The following RASGRP3 variants were observed in gnomAD, a reference collection of about 807,000 sequenced individuals.
The protein encoded by RASGRP3 is RAS guanyl releasing protein 3.
In RASGRP3, 54 loss-of-function variants were observed where a neutral mutation model predicts 82.7. The observed-to-expected ratio is 0.65, with a 90% CI of 0.52 to 0.82. The LOEUF (loss-of-function observed/expected upper bound fraction) is 0.82. RASGRP3 is among the 40% of genes least tolerant of loss of function. The pLI is 0.00. For missense variants in RASGRP3, 861 were observed against 828.9 expected, an observed-to-expected ratio of 1.04 and a Z score of -0.48; for synonymous variants, 309 against 300.5, an observed-to-expected ratio of 1.03 and a Z score of -0.29.
chr2:33,454,126 T>C (rs150250367), intron 2 of RASGRP3, among the ~76,000 whole-genome samples: 50 of 151,230 alleles, frequency 3.3e-4, no homozygotes, highest in African/African-American at 1.1e-3. Flanking sequence ...TTAACACTGA[T>C]GTCAAGTTCA....
At chr2:33,469,962 G>A (rs925627851) in intron 2 of RASGRP3, among the ~76,000 whole-genome samples, 7 of 152,090 alleles carry the variant, frequency 4.6e-5, no homozygotes, top group African/African-American at 1.7e-4. Context: ...GTGTATTTCT[G>A]GGCTTTTGGC....
chr2:33,451,522 T>A (rs959445980), intron 2 of RASGRP3, among the ~76,000 whole-genome samples: 2 of 152,220 alleles, frequency 1.3e-5, no homozygotes, highest in African/African-American at 2.4e-5. Flanking sequence ...TCTTTTCTTG[T>A]AGTAGTTTTA....
intron 10 of RASGRP3, chr2:33,534,062 A>C (rs7605981): frequency 0.13 from 59,392 of 459,468 alleles, 4,671 homozygotes; most frequent in Admixed American, 0.18. Flanking sequence ...GTGACTCAGC[A>C]CTGAGCACCT....
rs1325954858 is a variant in RASGRP3, at chr2:33,524,443, G to C, written c.702G>C (p.Gln234His). Residue 234 changes from glutamine to histidine, a missense_variant, in exon 9 of 18, where the codon CAG (glutamine) becomes CAC (histidine). Physicochemically the swap from Gln to His is conservative, Grantham distance 24. Transcript: ENST00000403687. ...CATTTTTATTGCAGAAGCTCCTTCA[G>C]CTCAAAAATTTTAACACCCTGATGG... ...KFINVAKKLL[Q>H]LKNFNTLMAV... The C allele has an allele frequency of 6.3e-7, 1 of 1,593,468 alleles. No homozygotes were observed. Among genetic ancestry groups the C allele is most frequent in the Non-Finnish European group, 8.5e-7 (1 of 1,170,042 alleles).
At chr2:33,513,075 A>T (rs1671090407) in intron 2 of RASGRP3, among the ~76,000 whole-genome samples, 1 of 152,202 alleles carries the variant, frequency 6.6e-6, no homozygotes. Context: ...AGATATAAAA[A>T]AGTTAGTTCC....
At chr2:33,447,003 T>A (rs1665535976) in intron 1 of RASGRP3, among the ~76,000 whole-genome samples, 1 of 149,102 alleles carries the variant, frequency 6.7e-6, no homozygotes, top group Non-Finnish European at 1.5e-5. Flanking sequence ...ATTAGCCAGG[T>A]GTTGGTGGCG....
In RASGRP3 at chr2:33,548,336, A is replaced by C. The variant is rs190310130; in HGVS notation, c.1395-1268A>C. Among the ~76,000 whole-genome samples the C allele has an allele frequency of 9.0e-3, 1,228 of 136,130 alleles. 19 individuals are homozygous for C. Among genetic ancestry groups the C allele is most frequent in the African/African-American group, 0.032 (1,180 of 36,906 alleles). 89.3% of individuals were successfully genotyped at this position (136,130 alleles called of 152,430 possible). On this transcript the variant is annotated intron_variant, in intron 13 of 17. Coordinates refer to ENST00000403687, the MANE Select transcript of RASGRP3 (RefSeq NM_001139488.2). ...AGATTGTGCCACTGCAATCCGGCCT[A>C]GGCTAAAGAGCGGGACTCCGTCTCA...
At chr2:33,442,878 C>G (rs888185646) in intron 1 of RASGRP3, among the ~76,000 whole-genome samples, 2 of 104,722 alleles carry the variant, frequency 1.9e-5, no homozygotes, top group Non-Finnish European at 3.8e-5. Flanking sequence ...ACAGAAATCA[C>G]TATTGTTTTT....
intron 1 of RASGRP3, among the ~76,000 whole-genome samples, chr2:33,442,156 T>G (rs1220149512): frequency 1.3e-5 from 2 of 152,162 alleles, no homozygotes; most frequent in Non-Finnish European, 2.9e-5. Flanking sequence ...CTGTTAACAA[T>G]AGAAATTTCT....
Position 33,511,708 on chromosome 2 carries a change from A to G in RASGRP3, c.-260-2A>G, listed in dbSNP as rs1266810544. On this transcript the variant is annotated splice_acceptor_variant, in intron 1 of 17. Coordinates refer to ENST00000403687, the MANE Select transcript of RASGRP3 (RefSeq NM_001139488.2). LOFTEE classifies it low-confidence loss of function (5UTR_SPLICE). ...GGGGGTTTCTTTCTGTTCTTTTGTC[A>G]GGTTCTCCAAAATACTTATCATTCA... The G allele has an allele frequency of 6.6e-6, 1 of 152,598 alleles. No homozygotes were observed. The highest frequency in any genetic ancestry group is 2.4e-5 in the African/African-American group (1 of 41,434). The allele number at this position is 152,598 out of a possible 1,614,324, so 9.5% of individuals were successfully genotyped here. A position where few individuals can be genotyped will look rare whatever the true frequency, so the allele number is the denominator to read the frequency against.
At chr2:33,475,804 C>T (rs1286638675), upstream of RASGRP3, among the ~76,000 whole-genome samples, 2 of 152,320 alleles carry the variant, frequency 1.3e-5, no homozygotes, top group Non-Finnish European at 1.5e-5. Context: ...GCACAGAAAA[C>T]GGCAGTTTGC....
chr2:33,467,448 G>A (rs769100745), intron 2 of RASGRP3, among the ~76,000 whole-genome samples: 6 of 152,144 alleles, frequency 3.9e-5, no homozygotes, highest in Non-Finnish European at 5.9e-5. Context: ...TTTTAGACAA[G>A]TGTTGTAAGA....
chr2:33,548,995 A>G (rs1228256293), intron 13 of RASGRP3, among the ~76,000 whole-genome samples: 1 of 152,114 alleles, frequency 6.6e-6, no homozygotes, highest in Non-Finnish European at 1.5e-5. Context: ...GGCCGATTTG[A>G]TCATTTTTGA....
rs1306327375 is a variant in RASGRP3 at position 33,539,168 on chromosome 2, A to G, written c.1236A>G (p.Pro412=). The change falls in exon 12 of 18, where the codon CCA becomes CCG. Residue 412 remains proline, a synonymous_variant. Transcript: ENST00000403687. ...LEWALGVMPK[P]DPTVINKHIR... ...GGGCATTAGGGGTGATGCCAAAGCC[A>G]GACCCCACGGTCATCAACAAGCACA... 1 of 1,611,192 alleles carries G rather than the reference A, an allele frequency of 6.2e-7. No individual in the cohort carries two copies. The highest frequency in any genetic ancestry group is 1.1e-5 in the South Asian group (1 of 90,126).
chr2:33,556,543 G>C (rs955741733), intron 15 of RASGRP3, among the ~76,000 whole-genome samples: 2 of 88,510 alleles, frequency 2.3e-5, no homozygotes, highest in Non-Finnish European at 4.1e-5. Flanking sequence ...CACCGCGCCC[G>C]GCCTCTTCTA....
At chr2:33,456,388 A>G (rs945021070) in intron 2 of RASGRP3, among the ~76,000 whole-genome samples, 1 of 151,844 alleles carries the variant, frequency 6.6e-6, no homozygotes, top group Non-Finnish European at 1.5e-5. Context: ...GGATATTTCA[A>G]ATTTTCTTTA....
chr2:33,441,784 T>TA (rs1665238622), intron 1 of RASGRP3, among the ~76,000 whole-genome samples: 5 of 152,210 alleles, frequency 3.3e-5, no homozygotes, highest in Admixed American at 3.3e-4. Context: ...ACACAATATA[T>TA]TTTTTAGTAA....
intron 1 of RASGRP3, among the ~76,000 whole-genome samples, chr2:33,507,672 T>C (rs1171027255): frequency 2.0e-5 from 3 of 152,126 alleles, no homozygotes; most frequent in African/African-American, 4.8e-5. Context: ...ATTACAGGCA[T>C]GTGCCACCAC....
At chr2:33,451,919 T>C (rs1665822413) in intron 2 of RASGRP3, among the ~76,000 whole-genome samples, 1 of 152,062 alleles carries the variant, frequency 6.6e-6, no homozygotes, top group Admixed American at 6.5e-5. Context: ...ACTTCTTCTT[T>C]GTTGTTGTTG....
Sources: allele counts gnomAD v4.1 joint callset (sites outside exome capture counted in the v4.1 genomes callset), GRCh38; gene constraint gnomAD v4.1.1; transcripts MANE v1.5; gene names NCBI Gene and HGNC (gene_info 2026-07-23, HGNC 2026-07-21).